Variants in SPEF2 observed in about 807,000 individuals in gnomAD.
The protein encoded by SPEF2 is sperm flagellar and cilia associated 2.
SPEF2 carries 187 observed loss-of-function variants against 224.6 expected under a neutral mutation model. The ratio of observed to expected loss-of-function variants is 0.83; its 90% CI spans 0.74 to 0.94. SPEF2 has a LOEUF of 0.94. Among genes scored for constraint, SPEF2 ranks in the 40% least tolerant of loss-of-function variants. The probability of loss-of-function intolerance (pLI) is 0.00; values close to 1 mark genes in which losing one functional copy is unlikely to be tolerated. For missense variants in SPEF2, 2,170 were observed against 2,135.6 expected (o/e 1.02, Z -0.32); for synonymous variants, 715 against 707.3 (o/e 1.01, Z -0.17).
In SPEF2 at chr5:35,654,919, G is replaced by A. The variant is rs1231276249; in HGVS notation, c.978+193G>A. Among the ~76,000 whole-genome samples, 329 of 152,268 alleles carry A rather than the reference G, an allele frequency of 2.2e-3. 1 individual carries two copies. The highest frequency in any genetic ancestry group is 7.7e-3 in the African/African-American group (319 of 41,546). On this transcript the variant is annotated intron_variant, in intron 7 of 36. Transcript: ENST00000356031. ...TTTACTAAAGAATCTAAAATCTGGT[G>A]ATAGTTGTACAACATTGTGAATGTA...
At chr5:35,747,493 C>T (rs923297435) in intron 23 of SPEF2, among the ~76,000 whole-genome samples, 2 of 152,144 alleles carry the variant, frequency 1.3e-5, no homozygotes, top group African/African-American at 4.8e-5. Context: ...TGGAAAAAGG[C>T]ATTTCATGCA....
intron 13 of SPEF2, among the ~76,000 whole-genome samples, chr5:35,694,583 C>T (rs192504999): frequency 7.4e-4 from 113 of 152,282 alleles, no homozygotes; most frequent in African/African-American, 2.6e-3. Context: ...CAGCCTCCTT[C>T]GAATAGTTGA....
At chr5:35,680,848 T>C (rs959435925) in intron 10 of SPEF2, among the ~76,000 whole-genome samples, 4 of 152,200 alleles carry the variant, frequency 2.6e-5, no homozygotes, top group Admixed American at 6.5e-5. Context: ...TAGACCAAAC[T>C]AAGCTTAGGA....
Position 35,800,154 on chromosome 5 carries a change from G to A in SPEF2, c.5010+7G>A, listed in dbSNP as rs1372628108. 6.2e-7 allele frequency: 1 copy of A among 1,613,794 alleles called. No homozygotes were observed. Among genetic ancestry groups the A allele is most frequent in the Admixed American group, 1.7e-5 (1 of 59,978 alleles). ...CATTCCAAGTGCAGAAAAGGTAATT[G>A]CATTCCAGAAATAGACTAACTATAG... On this transcript the variant is annotated splice_region_variant and intron_variant, in intron 34 of 36. Transcript: ENST00000356031.
At chr5:35,700,058 T>C in intron 15 of SPEF2, 1 of 163,934 alleles carries the variant, frequency 6.1e-6, no homozygotes, top group Non-Finnish European at 1.3e-5. Context: ...AAAACGGGAG[T>C]TTCTCTGCAC....
intron 1 of SPEF2, among the ~76,000 whole-genome samples, chr5:35,619,529 T>A (rs1437325255): frequency 6.6e-6 from 1 of 151,894 alleles, no homozygotes; most frequent in Non-Finnish European, 1.5e-5. Flanking sequence ...AAAAATACAT[T>A]AGCCGGACGT....
intron 21 of SPEF2, among the ~76,000 whole-genome samples, chr5:35,738,519 T>C (rs1157960098): frequency 6.7e-6 from 1 of 150,122 alleles, no homozygotes; most frequent in African/African-American, 2.4e-5. Flanking sequence ...AGATCATTGT[T>C]AGTAGCAGAC....
At chr5:35,681,020 G>A (rs1220857512) in intron 10 of SPEF2, among the ~76,000 whole-genome samples, 1 of 152,170 alleles carries the variant, frequency 6.6e-6, no homozygotes, top group Non-Finnish European at 1.5e-5. Context: ...CCCTGGTTAA[G>A]ACATCATTTT....
chr5:35,671,855 T>G (rs1014783709), intron 10 of SPEF2, among the ~76,000 whole-genome samples: 7 of 151,934 alleles, frequency 4.6e-5, no homozygotes, highest in African/African-American at 1.7e-4. Context: ...GTATTGACTT[T>G]GCTGTTTTTC....
intron 21 of SPEF2, among the ~76,000 whole-genome samples, chr5:35,733,734 A>ATGT (rs1447656137): frequency 5.3e-5 from 8 of 152,158 alleles, no homozygotes; most frequent in African/African-American, 1.7e-4. Flanking sequence ...AGAAAGTAAC[A>ATGT]TGTTGGAATA....
At position 35,654,714 on chromosome 5, in the gene SPEF2, C is replaced by T. The variant is rs139014576; in HGVS notation, c.966C>T (p.His322=). 31 of 1,604,748 alleles carry T rather than the reference C, an allele frequency of 1.9e-5. No individual in the cohort carries two copies. The highest frequency in any genetic ancestry group is 4.5e-5 in the South Asian group (4 of 88,810). ...TGTTAATGGACCAGTTAATAGCCCA[C>T]GAAGCACAAGAGGTAAGATATTTAG... is the stretch of plus-strand genomic sequence containing the variant. ...RKLLMDQLIA[H]EAQEEAYREE... Residue 322 remains histidine (H), a synonymous_variant, in exon 7 of 37, where the codon CAC becomes CAT. Coordinates refer to ENST00000356031, the MANE Select transcript of SPEF2 (RefSeq NM_024867.4).
At chr5:35,734,091 A>G (rs1212206894) in intron 21 of SPEF2, among the ~76,000 whole-genome samples, 3 of 152,188 alleles carry the variant, frequency 2.0e-5, no homozygotes, top group Non-Finnish European at 2.9e-5. Context: ...GGAGGCCCCT[A>G]TACTGCTCTA....
chr5:35,659,173 T>G lies in SPEF2; in HGVS notation c.1133T>G (p.Leu378Arg). ...GAAAAACAACATGAGGAAAGACGACTTAAAGATTTCCAGGATGCTCTTGAT... is the reference window on the plus strand; with the variant it reads ...GAAAAACAACATGAGGAAAGACGACGTAAAGATTTCCAGGATGCTCTTGAT... ...FREKQHEERR[L>R]KDFQDALDRE... Residue 378 changes from leucine to arginine, a missense_variant, in exon 8 of 37, where the codon CTT (leucine) becomes CGT (arginine). Physicochemically the swap from Leu to Arg is moderately radical, Grantham distance 102. Transcript: ENST00000356031. 6 of 1,611,934 alleles carry G rather than the reference T, an allele frequency of 3.7e-6. No individual in the cohort carries two copies. Among genetic ancestry groups the G allele is most frequent in the Non-Finnish European group, 5.1e-6 (6 of 1,178,858 alleles).
intron 29 of SPEF2, among the ~76,000 whole-genome samples, chr5:35,777,643 T>C (rs11747417): frequency 6.7e-6 from 1 of 149,332 alleles, no homozygotes; most frequent in Non-Finnish European, 1.5e-5. Flanking sequence ...CCACAAGAAG[T>C]TAAAACCTAG....
At chr5:35,722,708 TCCC>T (rs1229224777) in intron 20 of SPEF2, among the ~76,000 whole-genome samples, 1 of 135,582 alleles carries the variant, frequency 7.4e-6, no homozygotes, top group Non-Finnish European at 1.5e-5. Flanking sequence ...ATTGTTCAAT[TCCC>T]ACCTATGAGT....
At chr5:35,776,687 A>T (rs1753651547) in intron 29 of SPEF2, among the ~76,000 whole-genome samples, 1 of 152,174 alleles carries the variant, frequency 6.6e-6, no homozygotes, top group South Asian at 2.1e-4. Context: ...ACAAGGTAAG[A>T]TTATAGGTAA....
At chr5:35,676,654 G>A (rs115240177) in intron 10 of SPEF2, among the ~76,000 whole-genome samples, 2 of 151,992 alleles carry the variant, frequency 1.3e-5, no homozygotes, top group African/African-American at 2.4e-5. Flanking sequence ...CCTTGAACCC[G>A]GGAGTCAGAG....
chr5:35,753,582 GCAATCT>G (rs1189437111), intron 23 of SPEF2, 36 bp from the exon 24 acceptor site: 5 of 1,610,988 alleles, frequency 3.1e-6, no homozygotes, highest in Non-Finnish European at 4.2e-6. Flanking sequence ...GATTTGAGCA[GCAATCT>G]AAAGCATAGC....
intron 15 of SPEF2, chr5:35,698,754 C>T (rs1367050930): frequency 6.6e-6 from 1 of 152,164 alleles, no homozygotes; most frequent in East Asian, 1.9e-4. Context: ...GTGAGGTGCT[C>T]CAGTTACATG....
Sources: gnomAD v4.1 joint callset for allele counts (sites outside exome capture counted in the v4.1 genomes callset) on GRCh38, gnomAD v4.1.1 for gene constraint, MANE v1.5 for transcripts, NCBI Gene and HGNC (gene_info 2026-07-23, HGNC 2026-07-21) for gene names.